ABCA6: variants seen among roughly 807,000 people sequenced by gnomAD.
The protein encoded by ABCA6 is ATP-binding cassette sub-family A member 6.
ABCA6 carries 164 observed loss-of-function variants against 191.2 expected under a neutral mutation model. The ratio of observed to expected loss-of-function variants is 0.86; its 90% CI spans 0.76 to 0.98. The LOEUF is 0.98. Among genes scored for constraint, ABCA6 ranks in the 50% least tolerant of loss-of-function variants. The pLI is 0.00. For missense variants in ABCA6, 1,958 were observed against 1,894.1 expected (o/e 1.03, Z -0.63); for synonymous variants, 636 against 647.7 (o/e 0.98, Z 0.27).
intron 6 of ABCA6, among the ~76,000 whole-genome samples, chr17:69,130,951 G>A (rs1224677998): frequency 1.3e-5 from 2 of 152,078 alleles, no homozygotes; most frequent in African/African-American, 2.4e-5. Flanking sequence ...ATATTTGCAC[G>A]ATTTTGCTTT....
At chr17:69,095,562 A>C (rs1483452891) in intron 25 of ABCA6, 3 of 152,206 alleles carry the variant, frequency 2.0e-5, no homozygotes, top group African/African-American at 4.8e-5. Flanking sequence ...AGCAAAAAAA[A>C]CGCAATTGCT....
rs1464047318 is a variant in ABCA6 at position 69,081,121 on chromosome 17, C to T, written c.4641G>A (p.Lys1547=). Residue 1547 remains lysine, a synonymous_variant, in exon 37 of 39, where the codon AAG becomes AAA. Transcript: ENST00000284425. ...GAGGGTAAACGTCTGCCACGGGCAG[C>T]TTATAGGTTAACAAAGAGGAATACC... is the stretch of plus-strand genomic sequence containing the variant. ...QERYSSLLTY[K]LPVADVYPLS... 8 of 1,600,984 alleles carry T rather than the reference C, an allele frequency of 5.0e-6. No individual in the cohort carries two copies. The highest frequency in any genetic ancestry group is 6.8e-6 in the Non-Finnish European group (8 of 1,173,602).
intron 10 of ABCA6, among the ~76,000 whole-genome samples, chr17:69,122,864 A>G (rs1268726077): frequency 6.6e-6 from 1 of 152,002 alleles, no homozygotes; most frequent in Non-Finnish European, 1.5e-5. Flanking sequence ...ACAAAAACAA[A>G]TATCTTCTCC....
At position 69,107,975 on chromosome 17, in the gene ABCA6, T is replaced by C. The variant is rs1040874242; in HGVS notation, c.2273-163A>G. On this transcript the variant is annotated intron_variant, in intron 17 of 38. Coordinates refer to ENST00000284425, the MANE Select transcript of ABCA6 (RefSeq NM_080284.3). ...CAAAATTTCATGAGAATGCTCTCCT[T>C]CTCTGAAATGACTAAGGAAGACCTC... The C allele has an allele frequency of 7.2e-6, 4 of 553,990 alleles. No homozygotes were observed. The African/African-American group carries it at 7.8e-5, about 11-fold the overall frequency. 34.3% of individuals were successfully genotyped at this position (553,990 alleles called of 1,614,324 possible).
chr17:69,106,607 A>AT (rs1012392943), intron 18 of ABCA6, among the ~76,000 whole-genome samples: 1 of 151,560 alleles, frequency 6.6e-6, no homozygotes, highest in African/African-American at 2.4e-5. Context: ...AAAAAAAAAA[A>AT]AAAAAGTTTT....
At chr17:69,092,569 T>C (rs906971810) in intron 25 of ABCA6, among the ~76,000 whole-genome samples, 5 of 152,126 alleles carry the variant, frequency 3.3e-5, no homozygotes, top group African/African-American at 1.2e-4. Flanking sequence ...CCACACAGCA[T>C]AATAGGCTGA....
Position 69,079,079 on chromosome 17 carries a change from T to A in ABCA6, c.4753-5A>T. The A allele has an allele frequency of 1.3e-6, 2 of 1,592,524 alleles. No homozygotes were observed. Among genetic ancestry groups the A allele is most frequent in the Non-Finnish European group, 1.7e-6 (2 of 1,164,586 alleles). Reference sequence around the variant, plus strand: ...TTTAGAAAGCTCTAAGAATACCTAATTAGGAGACAAAGAAGAAGGAAAGAA... The same window carrying A: ...TTTAGAAAGCTCTAAGAATACCTAAATAGGAGACAAAGAAGAAGGAAAGAA... On this transcript the variant is annotated splice_region_variant and splice_polypyrimidine_tract_variant and intron_variant, in intron 38 of 38. Transcript: ENST00000284425.
intron 7 of ABCA6, among the ~76,000 whole-genome samples, chr17:69,129,144 G>A (rs2073812382): frequency 6.6e-6 from 1 of 152,110 alleles, no homozygotes; most frequent in Non-Finnish European, 1.5e-5. Context: ...ACTTTCTGCA[G>A]AAAACAACCT....
intron 8 of ABCA6, among the ~76,000 whole-genome samples, chr17:69,126,376 T>G (rs1187037802): frequency 6.6e-6 from 1 of 152,162 alleles, no homozygotes; most frequent in East Asian, 1.9e-4. Flanking sequence ...GCCAAGTGCA[T>G]GGATCACACC....
Position 69,128,608 on chromosome 17 carries a change from T to C in ABCA6, c.1119+11A>G, listed in dbSNP as rs377493826. The C allele has an allele frequency of 9.6e-5, 154 of 1,598,252 alleles. No homozygotes were observed. The Middle Eastern group carries it at 1.0e-3, about 10-fold the overall frequency. On this transcript the variant is annotated intron_variant, in intron 8 of 38. Coordinates refer to ENST00000284425, the MANE Select transcript of ABCA6 (RefSeq NM_080284.3). ...AAATTTCAGTAATAAACCAATTAAC[T>C]AGGCTCTTACCTGAATCATTCCAGT...
chr17:69,139,354 C>A (rs1205119328), intron 2 of ABCA6, among the ~76,000 whole-genome samples: 1 of 152,206 alleles, frequency 6.6e-6, no homozygotes, highest in Non-Finnish European at 1.5e-5. Context: ...AAATGCTCAT[C>A]ATCACTGGCC....
chr17:69,093,821 TAAATA>T (rs2072987343), intron 25 of ABCA6, among the ~76,000 whole-genome samples: 2 of 152,132 alleles, frequency 1.3e-5, no homozygotes, highest in South Asian at 4.1e-4. Context: ...AAAAATGAAA[TAAATA>T]AATATACTGA....
chr17:69,085,269 A>C lies in ABCA6; in HGVS notation c.4030-87T>G, dbSNP rs143953811. The C allele has an allele frequency of 3.8e-4, 498 of 1,317,448 alleles. 4 individuals carry two copies. The African/African-American group carries it at 7.0e-3, about 19-fold the overall frequency. 81.6% of individuals were successfully genotyped at this position (1,317,448 alleles called of 1,614,324 possible). On this transcript the variant is annotated intron_variant, in intron 31 of 38. Coordinates refer to ENST00000284425, the MANE Select transcript of ABCA6 (RefSeq NM_080284.3). ...CAGAAACTGACATATATAAGCGTCT[A>C]AATTGTTTAAGCATCAAATAAATAC...
At position 69,133,785 on chromosome 17, in the gene ABCA6, T is replaced by C. The variant is rs188382333; in HGVS notation, c.647A>G (p.Asn216Ser). The C allele has an allele frequency of 1.9e-6, 3 of 1,612,700 alleles. No homozygotes were observed. In the East Asian group the frequency reaches 6.7e-5, roughly 36 times the overall value. ...TMKTLPFITK[N>S]LLHNEMFILF... ...AATAAACATCTCATTGTGAAGAAGA[T>C]TTTTAGTTATGAAAGGTAATGTCTT... The change falls in exon 6 of 39, where the codon AAT becomes AGT. Residue 216 changes from asparagine to serine, a missense_variant. By Grantham distance (46) the Asn-to-Ser change is conservative (BLOSUM62 1). Transcript: ENST00000284425.
chr17:69,106,848 T>C (rs1218351568), intron 18 of ABCA6, among the ~76,000 whole-genome samples: 1 of 152,132 alleles, frequency 6.6e-6, no homozygotes, highest in African/African-American at 2.4e-5. Context: ...TATTCTATAC[T>C]CAGTGAGAAA....
chr17:69,128,866 G>C, intron 7 of ABCA6, 62 bp from the exon 8 acceptor site: 1 of 1,316,742 alleles, frequency 7.6e-7, no homozygotes, highest in Non-Finnish European at 1.0e-6. Context: ...AGAATCATTG[G>C]CAGCCCAATC....
chr17:69,133,454 G>A (rs1486319565), intron 6 of ABCA6, among the ~76,000 whole-genome samples, 187 bp downstream of exon 6: 1 of 152,136 alleles, frequency 6.6e-6, no homozygotes, highest in African/African-American at 2.4e-5. Flanking sequence ...CACAGAAAAA[G>A]TGCTCAGCAC....
intron 9 of ABCA6, among the ~76,000 whole-genome samples, 180 bp from the exon 10 acceptor site, chr17:69,123,587 A>G (rs2073692270): frequency 6.6e-6 from 1 of 152,110 alleles, no homozygotes; most frequent in African/African-American, 2.4e-5. Context: ...ATGGGAATTC[A>G]AAGGAAATAA....
intron 10 of ABCA6, among the ~76,000 whole-genome samples, chr17:69,122,285 ATC>A (rs1389769228): frequency 6.6e-6 from 1 of 152,152 alleles, no homozygotes; most frequent in Non-Finnish European, 1.5e-5. Context: ...CTAAGTAAAC[ATC>A]TGTTAATAAA....
Sources: allele counts gnomAD v4.1 joint callset (sites outside exome capture counted in the v4.1 genomes callset), GRCh38; gene constraint gnomAD v4.1.1; transcripts MANE v1.5; gene names NCBI Gene and HGNC (gene_info 2026-07-23, HGNC 2026-07-21).